The following PIP4K2B variants were observed in gnomAD, a reference collection of about 807,000 sequenced individuals.
PIP4K2B encodes phosphatidylinositol 5-phosphate 4-kinase type-2 beta.
A neutral mutation model predicts 42.0 loss-of-function variants in PIP4K2B; 3 were observed. The observed-to-expected ratio is 0.07, with a 90% CI of 0.03 to 0.18. PIP4K2B has a LOEUF of 0.18. PIP4K2B is among the 10% of genes least tolerant of loss of function. The pLI is 1.00. For missense variants in PIP4K2B, 332 were observed against 562.3 expected (o/e 0.59, Z 4.14); for synonymous variants, 204 against 210.1 (o/e 0.97, Z 0.25).
intron 4 of PIP4K2B, chr17:38,779,929 C>T: frequency 4.8e-6 from 1 of 208,672 alleles, no homozygotes; most frequent in Non-Finnish European, 9.7e-6. Context: ...AGGGATCCAG[C>T]CATCTGGGAG....
rs562559630 is a variant in PIP4K2B at position 38,765,976 on chromosome 17, G to C, written c.*3715C>G. 1 of 152,828 alleles carries C rather than the reference G, an allele frequency of 6.5e-6. No homozygotes were observed. The highest frequency in any genetic ancestry group is 2.1e-4 in the South Asian group (1 of 4,832). The allele number at this position is 152,828 out of a possible 1,614,324, so 9.5% of individuals were successfully genotyped here. ...ACCTGATGCTGGGATGTGCCGAGCA[G>C]TACTGCCCCCTCCCCCAAGGGTGTT... On this transcript the variant is annotated 3_prime_UTR_variant, in exon 10 of 10. Coordinates refer to ENST00000619039, the MANE Select transcript of PIP4K2B (RefSeq NM_003559.5).
In PIP4K2B at chr17:38,799,400, T is replaced by A; in HGVS notation, c.25A>T (p.Thr9Ser). The change falls in exon 1 of 10, where the codon ACG (threonine) becomes TCG (serine). Residue 9 changes from threonine (T) to serine (S), a missense_variant. This residue lies in a region of PIP4K2B where 186 missense variants were observed against 288.4 expected (regional missense o/e 0.64). Coordinates refer to ENST00000619039, the MANE Select transcript of PIP4K2B (RefSeq NM_003559.5). The surrounding 1 kb of genome is among the most constrained non-coding windows in gnomAD (Gnocchi z 4.4). The part of the protein sequence containing the change: MSSNCTST[T>S]AVAVAPLSAS... ...CTGAGCGGCGCCACCGCCACCGCCG[T>A]GGTGCTGGTGCAGTTGGACGACATG... is the stretch of plus-strand genomic sequence containing the variant. 9 of 1,602,552 alleles carry A rather than the reference T, an allele frequency of 5.6e-6. No individual in the cohort carries two copies. Among genetic ancestry groups the A allele is most frequent in the East Asian group, 2.3e-5 (1 of 44,224 alleles).
intron 1 of PIP4K2B, among the ~76,000 whole-genome samples, chr17:38,797,952 T>A (rs923671321): frequency 1.3e-5 from 2 of 152,058 alleles, no homozygotes; most frequent in Admixed American, 1.3e-4. Flanking sequence ...GTGATGACAG[T>A]GAAAACAGTA....
rs555205290 is a variant in PIP4K2B, at chr17:38,788,343, G to A, written c.160-1423C>T. On this transcript the variant is annotated intron_variant, in intron 1 of 9. Coordinates refer to ENST00000619039, the MANE Select transcript of PIP4K2B (RefSeq NM_003559.5). ...AGCCTCCAGAGTAGCTGGGACTACAGGTGCCCGACACCACACCTGGCTAAT... is the reference window on the plus strand; with the variant it reads ...AGCCTCCAGAGTAGCTGGGACTACAAGTGCCCGACACCACACCTGGCTAAT... Among the ~76,000 whole-genome samples, 51 of 152,064 alleles carry A rather than the reference G, an allele frequency of 3.4e-4. 1 individual carries two copies. Among genetic ancestry groups the A allele is most frequent in the African/African-American group, 1.2e-3 (50 of 41,494 alleles).
chr17:38,786,753 G>T, intron 2 of PIP4K2B, 70 bp downstream of exon 2: 1 of 974,572 alleles, frequency 1.0e-6, no homozygotes, highest in South Asian at 1.3e-5. Flanking sequence ...CATGCATGAG[G>T]CTTCAGAAGC....
At chr17:38,782,076 G>T (rs1909748127) in intron 3 of PIP4K2B, among the ~76,000 whole-genome samples, 1 of 152,168 alleles carries the variant, frequency 6.6e-6, no homozygotes, top group Non-Finnish European at 1.5e-5. Flanking sequence ...AGTCAGAGGT[G>T]GTAAGCAGCT....
At chr17:38,785,867 T>C (rs1348836541) in intron 2 of PIP4K2B, among the ~76,000 whole-genome samples, 2 of 152,194 alleles carry the variant, frequency 1.3e-5, no homozygotes, top group Non-Finnish European at 2.9e-5. Context: ...AACCCGGACC[T>C]CTGAGTCAGA....
At chr17:38,798,727 G>C (rs552683880) in intron 1 of PIP4K2B, among the ~76,000 whole-genome samples, 8 of 152,126 alleles carry the variant, frequency 5.3e-5, no homozygotes, top group African/African-American at 1.9e-4. Context: ...TCTTGTTCAA[G>C]AGGGAAAAAA....
At position 38,766,880 on chromosome 17, in the gene PIP4K2B, C is replaced by T. The variant is rs1279845651; in HGVS notation, c.*2811G>A. The T allele has an allele frequency of 6.6e-6, 1 of 152,506 alleles. No homozygotes were observed. Among genetic ancestry groups the T allele is most frequent in the East Asian group, 1.9e-4 (1 of 5,188 alleles). The allele number at this position is 152,506 out of a possible 1,614,324, so 9.4% of individuals were successfully genotyped here. A position where few individuals can be genotyped will look rare whatever the true frequency, so the allele number is the denominator to read the frequency against. On this transcript the variant is annotated 3_prime_UTR_variant, in exon 10 of 10. Coordinates refer to ENST00000619039, the MANE Select transcript of PIP4K2B (RefSeq NM_003559.5). ...CTTCATCTAGAGGTCAGTGGAGTCT[C>T]CAGGGCACTCATCACTGTGGCTGGG...
chr17:38,772,928 T>C (rs912048285), intron 7 of PIP4K2B, among the ~76,000 whole-genome samples: 9 of 152,108 alleles, frequency 5.9e-5, no homozygotes, highest in African/African-American at 2.2e-4. Context: ...AGAAAATAAA[T>C]TGCATGCTGA....
chr17:38,790,687 G>A (rs940087565), intron 1 of PIP4K2B, among the ~76,000 whole-genome samples: 2 of 152,118 alleles, frequency 1.3e-5, no homozygotes, highest in Non-Finnish European at 2.9e-5. Flanking sequence ...TCGAATTCCT[G>A]ACCTCGTGAT....
At chr17:38,772,455 C>T (rs934110534) in intron 7 of PIP4K2B, among the ~76,000 whole-genome samples, 2 of 152,186 alleles carry the variant, frequency 1.3e-5, no homozygotes. Flanking sequence ...CCGTAGCTGT[C>T]TTGGTTATCA....
At position 38,779,384 on chromosome 17, in the gene PIP4K2B, T is replaced by C; in HGVS notation, c.653A>G (p.Lys218Arg). 1 of 1,587,360 alleles carries C rather than the reference T, an allele frequency of 6.3e-7. No homozygotes were observed. The highest frequency in any genetic ancestry group is 8.6e-7 in the Non-Finnish European group (1 of 1,163,616). ...TCCGGCAAACACAGAGCCCTTTACC[T>C]TGAGGTCATACTTGCGATGCACAGT... is the stretch of plus-strand genomic sequence containing the variant. ...RLTVHRKYDL[K>R]GSTVAREASD... Residue 218 changes from lysine (K) to arginine (R), a missense_variant and splice_region_variant, in exon 5 of 10, where the codon AAG becomes AGG. Lys to Arg is a conservative substitution (Grantham distance 26). Coordinates refer to ENST00000619039, the MANE Select transcript of PIP4K2B (RefSeq NM_003559.5).
chr17:38,778,227 T>C (rs775732256), intron 6 of PIP4K2B, 107 bp downstream of exon 6: 9 of 952,380 alleles, frequency 9.5e-6, no homozygotes, highest in South Asian at 1.3e-5. Flanking sequence ...ACAGACGGCA[T>C]GTCTGGGAGC....
rs1279184329 is a variant in PIP4K2B, at chr17:38,780,522, C to T, written c.437G>A (p.Arg146His). Reference sequence around the variant, plus strand: ...GCTGGACACAGTCTTGATGACAAAGCGCCGGTCGTAGGTGGTGAGGAAACG... The same window carrying T: ...GCTGGACACAGTCTTGATGACAAAGTGCCGGTCGTAGGTGGTGAGGAAACG... The part of the protein sequence containing the change: ...GTRFLTTYDR[R>H]FVIKTVSSED... The change falls in exon 4 of 10, where the codon CGC (arginine) becomes CAC (histidine). Residue 146 changes from arginine to histidine, a missense_variant. Arg to His is a conservative substitution (Grantham distance 29, BLOSUM62 0). Coordinates refer to ENST00000619039, the MANE Select transcript of PIP4K2B (RefSeq NM_003559.5). The T allele has an allele frequency of 3.1e-6, 5 of 1,614,054 alleles. No individual in the cohort carries two copies. Among genetic ancestry groups the T allele is most frequent in the African/African-American group, 1.3e-5 (1 of 75,044 alleles).
At chr17:38,780,728 A>C in intron 3 of PIP4K2B, 124 bp from the exon 4 acceptor site, 10 of 861,664 alleles carry the variant, frequency 1.2e-5, no homozygotes, top group Non-Finnish European at 1.6e-5. Context: ...GGACTCCCAG[A>C]TGGGAGTTTA....
chr17:38,786,211 G>A (rs771728732), intron 2 of PIP4K2B, among the ~76,000 whole-genome samples: 1 of 152,186 alleles, frequency 6.6e-6, no homozygotes, highest in Non-Finnish European at 1.5e-5. Flanking sequence ...GGTCCACAGA[G>A]GGATGGAAAA....
chr17:38,779,738 G>A, intron 4 of PIP4K2B: 1 of 530,060 alleles, frequency 1.9e-6, no homozygotes, highest in Non-Finnish European at 3.4e-6. Flanking sequence ...CATGGCAGAG[G>A]GAGAGGCAAG....
intron 6 of PIP4K2B, 22 bp downstream of exon 6, chr17:38,778,312 T>C (rs763491562): frequency 6.2e-7 from 1 of 1,613,302 alleles, no homozygotes; most frequent in Admixed American, 1.7e-5. Flanking sequence ...GACCCTTCCA[T>C]TCCTGCTCAG....
Sources: allele counts gnomAD v4.1 joint callset (sites outside exome capture counted in the v4.1 genomes callset), GRCh38; gene constraint gnomAD v4.1.1; regional missense constraint gnomAD v4.1.1; non-coding constraint Gnocchi (gnomAD v3.1); transcripts MANE v1.5; gene names NCBI Gene and HGNC (gene_info 2026-07-23, HGNC 2026-07-21).